Variants in SLC9C1 observed in about 807,000 individuals in gnomAD.
The protein encoded by SLC9C1 is solute carrier family 9 member C1, also known as sodium/hydrogen exchanger 10.
Under a neutral mutation model 140.9 loss-of-function variants are expected in SLC9C1, and 97 were observed. That is an observed-to-expected ratio of 0.69 (90% CI 0.58 to 0.82). SLC9C1 has a LOEUF of 0.82. Ranked by LOEUF, SLC9C1 falls within the 40% of genes least tolerant of loss-of-function variation. The pLI is 0.00. For missense variants in SLC9C1, 1,340 were observed against 1,389.3 expected, an observed-to-expected ratio of 0.96 and a Z score of 0.56; for synonymous variants, 440 against 442.6, an observed-to-expected ratio of 0.99 and a Z score of 0.07.
At chr3:112,224,157 C>T (rs551810027) in intron 13 of SLC9C1, among the ~76,000 whole-genome samples, 1 of 152,304 alleles carries the variant, frequency 6.6e-6, no homozygotes, top group African/African-American at 2.4e-5. Context: ...GGTAGACCAG[C>T]CACACAAACT....
At chr3:112,145,194 C>T (rs1396427280) in intron 28 of SLC9C1, among the ~76,000 whole-genome samples, 4 of 150,884 alleles carry the variant, frequency 2.7e-5, no homozygotes, top group Non-Finnish European at 5.9e-5. Context: ...CAAAAGCTTT[C>T]TCTATGTCTA....
rs144578071 is a variant in SLC9C1 at position 112,256,182 on chromosome 3, A to G, written c.1197+6742T>C. Among the ~76,000 whole-genome samples the G allele has an allele frequency of 6.6e-5, 10 of 152,306 alleles. No individual in the cohort carries two copies. In the East Asian group the frequency reaches 1.9e-3, roughly 29 times the overall value. ...AGTTGGTACCATTTCTACTTAAACTATTCCAAAAAATGGAGAAGGAAAAAC... is the reference window on the plus strand; with the variant it reads ...AGTTGGTACCATTTCTACTTAAACTGTTCCAAAAAATGGAGAAGGAAAAAC... On this transcript the variant is annotated intron_variant, in intron 10 of 28. Transcript: ENST00000305815.
At position 112,270,701 on chromosome 3, in the gene SLC9C1, G is replaced by A. The variant is rs530366260; in HGVS notation, c.614-624C>T. On this transcript the variant is annotated intron_variant, in intron 6 of 28. Transcript: ENST00000305815. ...TGTGGTGGCACATGCCTGTAATCCC[G>A]GCTACCTGGGAGGCTGAGGCATGAG... Among the ~76,000 whole-genome samples the A allele has an allele frequency of 2.3e-4, 35 of 152,110 alleles. No individual in the cohort carries two copies. In the South Asian group the frequency reaches 5.8e-3, roughly 25 times the overall value.
At chr3:112,183,349 CTTTTT>C (rs200437815) in intron 20 of SLC9C1, among the ~76,000 whole-genome samples, 71 of 95,392 alleles carry the variant, frequency 7.4e-4, no homozygotes, top group African/African-American at 2.4e-3. Context: ...AGCACCTTTT[CTTTTT>C]TTTTTTTTTT....
Position 112,169,022 on chromosome 3 carries a change from T to C in SLC9C1, c.3092A>G (p.Tyr1031Cys), listed in dbSNP as rs761229739. Reference sequence around the variant, plus strand: ...GGTACTCATTGGTATATCTACTACATAAATATTAGAGAGCTTTAGTTGCAT... The same window carrying C: ...GGTACTCATTGGTATATCTACTACACAAATATTAGAGAGCTTTAGTTGCAT... ...YNMQLKLSNI[Y>C]VVDIPMSTKT... Residue 1031 changes from tyrosine (Y) to cysteine (C), a missense_variant, in exon 25 of 29, where the codon TAT (tyrosine) becomes TGT (cysteine). By Grantham distance (194) the Tyr-to-Cys change is radical (BLOSUM62 -2). Transcript: ENST00000305815. 2 of 1,601,756 alleles carry C rather than the reference T, an allele frequency of 1.2e-6. No individual in the cohort carries two copies. The highest frequency in any genetic ancestry group is 1.7e-6 in the Non-Finnish European group (2 of 1,176,502).
chr3:112,233,601 A>G (rs1217080457), intron 12 of SLC9C1, among the ~76,000 whole-genome samples: 1 of 151,604 alleles, frequency 6.6e-6, no homozygotes, highest in East Asian at 2.0e-4. Context: ...CATTTACATT[A>G]GGTATCTCTC....
chr3:112,210,701 A>G (rs1241716993), intron 15 of SLC9C1, among the ~76,000 whole-genome samples: 1 of 152,158 alleles, frequency 6.6e-6, no homozygotes, highest in Non-Finnish European at 1.5e-5. Context: ...TTATTCTTTA[A>G]GTAACTTTAT....
At chr3:112,196,667 C>G (rs771130269) in intron 20 of SLC9C1, among the ~76,000 whole-genome samples, 8 of 152,028 alleles carry the variant, frequency 5.3e-5, no homozygotes, top group South Asian at 2.1e-4. Context: ...CTTTGAATCC[C>G]CTTAGGAAAT....
At chr3:112,168,322 T>TAC (rs56965031) in intron 25 of SLC9C1, among the ~76,000 whole-genome samples, 2,211 of 133,792 alleles carry the variant, frequency 0.017, 18 homozygotes, top group African/African-American at 0.026. Context: ...CACAAAACAA[T>TAC]ACACACACAC....
chr3:112,159,337 T>C (rs569683821), intron 26 of SLC9C1, among the ~76,000 whole-genome samples: 1 of 152,148 alleles, frequency 6.6e-6, no homozygotes, highest in East Asian at 1.9e-4. Context: ...CTCCTCTGAT[T>C]GATTTCTGGT....
rs1214884170 is a variant in SLC9C1 at position 112,239,920 on chromosome 3, C to T, written c.1366G>A (p.Ala456Thr). The T allele has an allele frequency of 1.2e-6, 2 of 1,613,842 alleles. No individual in the cohort carries two copies. The highest frequency in any genetic ancestry group is 1.7e-6 in the Non-Finnish European group (2 of 1,179,960). ...FQELTKSAAS[A>T]LKFDKDLANA... is the part of the protein sequence containing the mutation. The stretch of plus-strand genomic sequence containing the variant: ...GCAAGATCTTTGTCAAATTTAAGGG[C>T]AGAGGCTGCAGACTTGGTTAGCTCT... Residue 456 changes from alanine (A) to threonine (T), a missense_variant, in exon 12 of 29, where the codon GCC (alanine) becomes ACC (threonine). Ala to Thr is a moderately conservative substitution (Grantham distance 58). Coordinates refer to ENST00000305815, the MANE Select transcript of SLC9C1 (RefSeq NM_183061.3).
intron 25 of SLC9C1, 61 bp downstream of exon 25, chr3:112,168,816 G>A (rs1576257680): frequency 1.3e-5 from 19 of 1,408,164 alleles, no homozygotes; most frequent in South Asian, 2.9e-5. Context: ...TTTTTCTGAC[G>A]TTAATACATT....
chr3:112,145,498 C>T (rs775480408), intron 28 of SLC9C1, among the ~76,000 whole-genome samples: 7 of 148,198 alleles, frequency 4.7e-5, no homozygotes, highest in Middle Eastern at 7.4e-3. Flanking sequence ...AGTTCCTTCT[C>T]ATTGATTTTT....
At chr3:112,277,314 G>C (rs528223722) in intron 5 of SLC9C1, among the ~76,000 whole-genome samples, 4 of 152,048 alleles carry the variant, frequency 2.6e-5, no homozygotes, top group Non-Finnish European at 5.9e-5. Context: ...TTAAAATGGC[G>C]TTGTCCTAAT....
chr3:112,240,100 A>T (rs1299352317), intron 11 of SLC9C1, 94 bp from the exon 12 acceptor site: 1 of 1,154,488 alleles, frequency 8.7e-7, no homozygotes, highest in East Asian at 2.5e-5. Flanking sequence ...TATTGTCACT[A>T]ATCTTTAAAT....
intron 26 of SLC9C1, among the ~76,000 whole-genome samples, chr3:112,164,838 G>T (rs1189055615): frequency 6.6e-6 from 1 of 152,112 alleles, no homozygotes; most frequent in Non-Finnish European, 1.5e-5. Context: ...GATTGGGGAA[G>T]TTCTCCTGGA....
At chr3:112,282,466 C>T (rs936535282) in intron 2 of SLC9C1, among the ~76,000 whole-genome samples, 5 of 152,124 alleles carry the variant, frequency 3.3e-5, no homozygotes, top group African/African-American at 9.7e-5. Flanking sequence ...AGAAAAATGC[C>T]GGAGAAAGCT....
intron 12 of SLC9C1, among the ~76,000 whole-genome samples, chr3:112,231,755 C>A (rs1274994407): frequency 6.6e-6 from 1 of 152,130 alleles, no homozygotes; most frequent in Non-Finnish European, 1.5e-5. Context: ...AAAGCTATCA[C>A]ATATATGATC....
intron 12 of SLC9C1, among the ~76,000 whole-genome samples, chr3:112,234,064 C>A (rs1336164395): frequency 2.0e-5 from 3 of 152,220 alleles, no homozygotes; most frequent in Non-Finnish European, 4.4e-5. Context: ...GCACTGTCTT[C>A]CACAATGGTT....
Sources: gnomAD v4.1 joint callset for allele counts (sites outside exome capture counted in the v4.1 genomes callset) on GRCh38, gnomAD v4.1.1 for gene constraint, MANE v1.5 for transcripts, NCBI Gene and HGNC (gene_info 2026-07-23, HGNC 2026-07-21) for gene names.